The following USP44 variants were observed in gnomAD, a reference collection of about 807,000 sequenced individuals.
USP44 encodes ubiquitin specific peptidase 44.
Under a neutral mutation model 69.0 loss-of-function variants are expected in USP44, and 61 were observed. The observed-to-expected ratio is 0.88, with a 90% confidence interval of 0.72 to 1.09. The LOEUF is 1.09. Ranked by LOEUF, USP44 falls within the 50% of genes least tolerant of loss-of-function variation. The pLI is 0.00. For missense variants in USP44, 753 were observed against 849.9 expected (o/e 0.89, Z 1.42); for synonymous variants, 297 against 295.4 (o/e 1.01, Z -0.06).
intron 1 of USP44, among the ~76,000 whole-genome samples, chr12:95,537,645 C>G (rs956118156): frequency 6.6e-6 from 1 of 152,052 alleles, no homozygotes; most frequent in Non-Finnish European, 1.5e-5. Context: ...AACATCCTTG[C>G]AGAGGTGAAG....
intron 1 of USP44, among the ~76,000 whole-genome samples, chr12:95,538,543 A>AGG (rs10686641): frequency 0.012 from 1,827 of 150,982 alleles, 43 homozygotes; most frequent in African/African-American, 0.037. Context: ...GCATTTTAAA[A>AGG]GGGGGGGGTC....
rs776397337 is a variant in USP44 at position 95,520,985 on chromosome 12, T to G, written c.1939+12A>C. 3 of 1,613,638 alleles carry G rather than the reference T, an allele frequency of 1.9e-6. No individual in the cohort carries two copies. In the South Asian group the frequency reaches 3.3e-5, roughly 18 times the overall value. Reference sequence around the variant, plus strand: ...GTCCAACCCAAGATAAAATACTTTTTCTTATCTATACCTCCTTCAGAATTA... The same window carrying G: ...GTCCAACCCAAGATAAAATACTTTTGCTTATCTATACCTCCTTCAGAATTA... On this transcript the variant is annotated intron_variant, in intron 5 of 5. Coordinates refer to ENST00000258499, the MANE Select transcript of USP44 (RefSeq NM_032147.5).
intron 2 of USP44, 43 bp from the exon 3 acceptor site, chr12:95,529,045 T>A (rs376294019): frequency 6.6e-7 from 1 of 1,510,494 alleles, no homozygotes; most frequent in Non-Finnish European, 8.9e-7. Context: ...AATCTTTCCA[T>A]CAAAACATTA....
intron 4 of USP44, among the ~76,000 whole-genome samples, chr12:95,522,632 G>A (rs888904508): frequency 9.2e-5 from 14 of 152,036 alleles, no homozygotes; most frequent in African/African-American, 3.1e-4. Context: ...ACAAAAATTA[G>A]CCAGGCTTGA....
intron 5 of USP44, among the ~76,000 whole-genome samples, chr12:95,519,014 T>C (rs1280878647): frequency 6.6e-6 from 1 of 152,118 alleles, no homozygotes; most frequent in African/African-American, 2.4e-5. Context: ...TTTTCCACTG[T>C]ATTAATATTT....
chr12:95,550,203 A>G (rs1278276413), intron 1 of USP44, among the ~76,000 whole-genome samples: 1 of 150,198 alleles, frequency 6.7e-6, no homozygotes, highest in Non-Finnish European at 1.5e-5. Context: ...AAAAAAAAAA[A>G]AATCTGATAT....
At chr12:95,527,667 T>C (rs150143966) in intron 3 of USP44, among the ~76,000 whole-genome samples, 1 of 150,614 alleles carries the variant, frequency 6.6e-6, no homozygotes, top group African/African-American at 2.4e-5. Flanking sequence ...ATATTTTTAG[T>C]AGAGATGGGG....
chr12:95,530,054 A>T (rs1427993559), intron 2 of USP44, among the ~76,000 whole-genome samples: 3 of 152,232 alleles, frequency 2.0e-5, no homozygotes, highest in Non-Finnish European at 2.9e-5. Flanking sequence ...TAATGCCAAC[A>T]AACACTGCAC....
rs538847548 is a variant in USP44 at position 95,544,306 on chromosome 12, C to T, written c.-71+6966G>A. 2.6e-5 allele frequency among the ~76,000 whole-genome samples: 4 copies of T among 152,072 alleles called. No individual in the cohort carries two copies. In the South Asian group the frequency reaches 6.2e-4, roughly 24 times the overall value. ...TCCTGACCTTGTGATCCACCCGCCT[C>T]GACCTCCCAAAGTGCTGGGAATACA... On this transcript the variant is annotated intron_variant, in intron 1 of 5. Transcript: ENST00000258499.
intron 1 of USP44, 108 bp from the exon 2 acceptor site, chr12:95,534,434 TATC>T (rs2077132606): frequency 1.7e-6 from 1 of 605,246 alleles, no homozygotes; most frequent in African/African-American, 1.9e-5. Context: ...CTAGGCTGCT[TATC>T]ATAATACCAT....
At chr12:95,544,257 G>A (rs1412304375) in intron 1 of USP44, among the ~76,000 whole-genome samples, 7 of 151,604 alleles carry the variant, frequency 4.6e-5, no homozygotes, top group Non-Finnish European at 1.0e-4. Context: ...GGGTTTCACT[G>A]TGTTAGCCAG....
intron 3 of USP44, among the ~76,000 whole-genome samples, chr12:95,525,201 A>T (rs1462923093): frequency 6.6e-6 from 1 of 152,122 alleles, no homozygotes; most frequent in Non-Finnish European, 1.5e-5. Context: ...CCTCCCATGT[A>T]ACTGGGACTA....
At position 95,536,698 on chromosome 12, in the gene USP44, G is replaced by A. The variant is rs75218657; in HGVS notation, c.-70-2372C>T. 3.0e-3 allele frequency among the ~76,000 whole-genome samples: 458 copies of A among 152,222 alleles called. 2 individuals carry two copies. The highest frequency in any genetic ancestry group is 5.2e-3 in the Non-Finnish European group (356 of 68,022). Reference sequence around the variant, plus strand: ...GTCTTACCGGGATTACTGCAGTAAGGCTCCCAGATGGTCTCTCCACTTCTG... The same window carrying A: ...GTCTTACCGGGATTACTGCAGTAAGACTCCCAGATGGTCTCTCCACTTCTG... On this transcript the variant is annotated intron_variant, in intron 1 of 5. Transcript: ENST00000258499.
At chr12:95,543,272 G>A (rs1460753010) in intron 1 of USP44, among the ~76,000 whole-genome samples, 1 of 150,152 alleles carries the variant, frequency 6.7e-6, no homozygotes, top group Non-Finnish European at 1.5e-5. Flanking sequence ...GTGGTGGCAC[G>A]CATCTGTAGT....
At position 95,534,345 on chromosome 12, in the gene USP44, A is replaced by C. The variant is rs1419641975; in HGVS notation, c.-70-19T>G. 4.9e-6 allele frequency: 6 copies of C among 1,216,848 alleles called. No homozygotes were observed. Among genetic ancestry groups the C allele is most frequent in the Non-Finnish European group, 6.9e-6 (6 of 868,368 alleles). The allele number at this position is 1,216,848 out of a possible 1,614,324, so 75.4% of individuals were successfully genotyped here. ...CTGAAAACTAAACAGAACAATGTCAAGTGTTAATAACAAGATGCTAATATT... is the reference window on the plus strand; with the variant it reads ...CTGAAAACTAAACAGAACAATGTCACGTGTTAATAACAAGATGCTAATATT... On this transcript the variant is annotated intron_variant, in intron 1 of 5. Transcript: ENST00000258499.
At chr12:95,530,293 C>T (rs1051764905) in intron 2 of USP44, among the ~76,000 whole-genome samples, 2 of 151,390 alleles carry the variant, frequency 1.3e-5, no homozygotes, top group African/African-American at 4.9e-5. Flanking sequence ...TTGAATTAAA[C>T]AAAAAAAACA....
At chr12:95,550,010 C>G (rs368952096) in intron 1 of USP44, among the ~76,000 whole-genome samples, 1 of 152,034 alleles carries the variant, frequency 6.6e-6, no homozygotes, top group South Asian at 2.1e-4. Context: ...GAAACCCTGT[C>G]TCTACTAAAA....
At position 95,517,573 on chromosome 12, in the gene USP44, A is replaced by C. The variant is rs965345126; in HGVS notation, c.*581T>G. ...TTTTCATTTATAGTTTGACTATGCC[A>C]AAGAGCAATTACTAAAGCAATTTTG... On this transcript the variant is annotated 3_prime_UTR_variant, in exon 6 of 6. Transcript: ENST00000258499. The C allele has an allele frequency of 1.4e-4, 21 of 152,330 alleles. No homozygotes were observed. The East Asian group carries it at 4.1e-3, about 29-fold the overall frequency. 9.4% of individuals were successfully genotyped at this position (152,330 alleles called of 1,614,324 possible). A position where few individuals can be genotyped will look rare whatever the true frequency, so the allele number is the denominator to read the frequency against.
chr12:95,525,340 G>A (rs993842072), intron 3 of USP44, among the ~76,000 whole-genome samples: 1 of 152,146 alleles, frequency 6.6e-6, no homozygotes, highest in African/African-American at 2.4e-5. Context: ...AAAGTGCTGG[G>A]ATTACAGGCA....
Sources: allele counts gnomAD v4.1 joint callset (sites outside exome capture counted in the v4.1 genomes callset), GRCh38; gene constraint gnomAD v4.1.1; transcripts MANE v1.5; gene names NCBI Gene and HGNC (gene_info 2026-07-23, HGNC 2026-07-21).